Variants in TAF15 observed in about 807,000 individuals in gnomAD.
TAF15 encodes TATA-box binding protein associated factor 15, also known as TATA-binding protein-associated factor 2N.
In TAF15, 37 loss-of-function variants were observed where a neutral mutation model predicts 102.5. That is an observed-to-expected ratio of 0.36 (90% CI 0.28 to 0.47). TAF15 has a LOEUF of 0.47. Ranked by LOEUF, TAF15 falls within the 20% of genes least tolerant of loss-of-function variation. The pLI is 0.99. For missense variants in TAF15, 652 were observed against 760.7 expected (o/e 0.86, Z 1.68); for synonymous variants, 273 against 259.2 (o/e 1.05, Z -0.51).
chr17:35,822,390 T>A (rs908560003), intron 5 of TAF15, among the ~76,000 whole-genome samples: 8 of 151,298 alleles, frequency 5.3e-5, no homozygotes, highest in Non-Finnish European at 7.4e-5. Context: ...AAAGCCATAG[T>A]AATTTTTTGC....
At position 35,817,708 on chromosome 17, in the gene TAF15, TG is replaced by T; in HGVS notation, c.8-7del. The T allele has an allele frequency of 1.2e-6, 2 of 1,612,602 alleles. No homozygotes were observed. The highest frequency in any genetic ancestry group is 1.7e-6 in the Non-Finnish European group (2 of 1,178,770). ...AATAAGATTTAAAATTCTTTTTATG[TG>T]TTCTAGATTCTGGAAGTTACGGTCA... is the stretch of plus-strand genomic sequence containing the variant. On this transcript the variant is annotated splice_region_variant and splice_polypyrimidine_tract_variant and intron_variant, in intron 1 of 15. Transcript: ENST00000605844.
intron 7 of TAF15, among the ~76,000 whole-genome samples, chr17:35,827,912 A>G (rs185064829): frequency 6.6e-6 from 1 of 152,302 alleles, no homozygotes; most frequent in Admixed American, 6.5e-5. Context: ...TTTTCTTTGA[A>G]AAAGCAATTG....
In TAF15 at chr17:35,834,566, G is replaced by A. The variant is rs747280253; in HGVS notation, c.641G>A (p.Gly214Asp). Residue 214 changes from glycine to aspartate, a missense_variant and splice_region_variant, in exon 9 of 16, where the codon GGT becomes GAT. Transcript: ENST00000605844. ...GDRGGFKNFG[G>D]HRDYGPRTDA... ...TCTTTTTTCTTTTCTTTTCCCTTAG[G>A]TCACAGGGATTATGGACCCAGAACA... 1.2e-6 allele frequency: 2 copies of A among 1,612,476 alleles called. No homozygotes were observed. Among genetic ancestry groups the A allele is most frequent in the African/African-American group, 1.3e-5 (1 of 74,562 alleles).
At chr17:35,846,834 TGAA>T in intron 15 of TAF15, 69 bp from the exon 16 acceptor site, 1 of 1,533,952 alleles carries the variant, frequency 6.5e-7, no homozygotes. Flanking sequence ...ACTAGTACCC[TGAA>T]GAAGTGTCTA....
chr17:35,833,253 CG>C (rs1348871505), intron 7 of TAF15, among the ~76,000 whole-genome samples: 1 of 152,126 alleles, frequency 6.6e-6, no homozygotes, highest in Non-Finnish European at 1.5e-5. Flanking sequence ...CATGAACCTC[CG>C]TAGCTCTGAT....
At chr17:35,845,410 A>C (rs1180461006) in intron 15 of TAF15, among the ~76,000 whole-genome samples, 1 of 152,002 alleles carries the variant, frequency 6.6e-6, no homozygotes, top group South Asian at 2.1e-4. Flanking sequence ...GTGTGCCACC[A>C]CACCTCGCCA....
chr17:35,824,404 GTAGT>G (rs1271676109), intron 7 of TAF15: 3 of 645,030 alleles, frequency 4.7e-6, no homozygotes, highest in East Asian at 2.9e-5. Flanking sequence ...GGCTATGTTA[GTAGT>G]TAGTTTATGT....
chr17:35,811,915 A>G (rs2087128885), intron 1 of TAF15, among the ~76,000 whole-genome samples: 1 of 152,224 alleles, frequency 6.6e-6, no homozygotes, highest in Non-Finnish European at 1.5e-5. Flanking sequence ...AAAAACTAAG[A>G]AAGGACAAAC....
intron 7 of TAF15, among the ~76,000 whole-genome samples, chr17:35,831,190 C>G (rs1313403977): frequency 6.6e-6 from 1 of 152,106 alleles, no homozygotes. Flanking sequence ...ATCATGAAGT[C>G]AGGAGATTGA....
chr17:35,829,631 C>CAAAAA (rs746776421), intron 7 of TAF15, among the ~76,000 whole-genome samples: 420 of 33,062 alleles, frequency 0.013, 13 homozygotes, highest in East Asian at 0.033. Flanking sequence ...GACTCCATCT[C>CAAAAA]AAAAAAAAAA....
In TAF15 at chr17:35,824,121, A is replaced by T; in HGVS notation, c.528A>T (p.Gly176=). Reference sequence around the variant, plus strand: ...GTAGGTATGGAGAAGATAATAGAGGATATGGCGGGTCACAGGGAGGAGGTA... The same window carrying T: ...GTAGGTATGGAGAAGATAATAGAGGTTATGGCGGGTCACAGGGAGGAGGTA... The part of the protein sequence containing the change: ...DVSRYGEDNR[G]YGGSQGGGRG... The change falls in exon 7 of 16, where the codon GGA becomes GGT. Residue 176 remains glycine (G), a synonymous_variant. Transcript: ENST00000605844. The T allele has an allele frequency of 6.2e-7, 1 of 1,614,006 alleles. No homozygotes were observed. The highest frequency in any genetic ancestry group is 1.1e-5 in the South Asian group (1 of 91,078).
At chr17:35,810,127 T>C (rs533929973) in intron 1 of TAF15, 6 of 189,706 alleles carry the variant, frequency 3.2e-5, no homozygotes, top group East Asian at 1.4e-4. Flanking sequence ...ATCGTACTTA[T>C]CGTTATTCAC....
At chr17:35,814,906 A>T (rs2087177621) in intron 1 of TAF15, among the ~76,000 whole-genome samples, 1 of 152,044 alleles carries the variant, frequency 6.6e-6, no homozygotes, top group South Asian at 2.1e-4. Flanking sequence ...AACCTAAATG[A>T]CAATTACAAG....
chr17:35,843,018 C>T (rs948250959), intron 12 of TAF15, among the ~76,000 whole-genome samples: 9 of 152,048 alleles, frequency 5.9e-5, no homozygotes, highest in African/African-American at 1.4e-4. Context: ...CATGAGCCAC[C>T]GTGCTTGGCG....
At chr17:35,810,007 C>G (rs973072382) in intron 1 of TAF15, 2 of 312,876 alleles carry the variant, frequency 6.4e-6, no homozygotes, top group South Asian at 6.4e-5. Flanking sequence ...CGCCTCGTAC[C>G]TCAGTTTTCC....
Position 35,831,314 on chromosome 17 carries a change from G to A in TAF15, c.606-2593G>A, listed in dbSNP as rs1240104634. On this transcript the variant is annotated intron_variant, in intron 7 of 15. Transcript: ENST00000605844. Reference sequence around the variant, plus strand: ...CCCAGCTACTCGGGAGGCTGAGGCAGGAGAATGGCGGGAACCCAGGAGGCG... The same window carrying A: ...CCCAGCTACTCGGGAGGCTGAGGCAAGAGAATGGCGGGAACCCAGGAGGCG... Among the ~76,000 whole-genome samples the A allele has an allele frequency of 5.3e-5, 8 of 152,070 alleles. No homozygotes were observed. The East Asian group carries it at 1.2e-3, about 22-fold the overall frequency.
intron 7 of TAF15, among the ~76,000 whole-genome samples, chr17:35,833,328 T>G (rs1188426235): frequency 6.6e-6 from 1 of 152,182 alleles, no homozygotes; most frequent in Non-Finnish European, 1.5e-5. Flanking sequence ...GCTCTTTTAG[T>G]CTTTTATAAG....
At chr17:35,841,947 C>A (rs999587343) in intron 11 of TAF15, among the ~76,000 whole-genome samples, 1 of 152,048 alleles carries the variant, frequency 6.6e-6, no homozygotes, top group African/African-American at 2.4e-5. Context: ...AGGCTTCTAT[C>A]TCAGCCTCCA....
chr17:35,813,632 T>G (rs1219651437), intron 1 of TAF15, among the ~76,000 whole-genome samples: 2 of 108,244 alleles, frequency 1.8e-5, no homozygotes, highest in African/African-American at 3.4e-5. Context: ...CGAGACCCTG[T>G]CCCCCCCCCC....
Sources: gnomAD v4.1 joint callset for allele counts (sites outside exome capture counted in the v4.1 genomes callset) on GRCh38, gnomAD v4.1.1 for gene constraint, MANE v1.5 for transcripts, NCBI Gene and HGNC (gene_info 2026-07-23, HGNC 2026-07-21) for gene names.